Variants in SESN3 observed in about 807,000 individuals in gnomAD.
SESN3 encodes the protein sestrin 3.
In SESN3, 21 loss-of-function variants were observed where a neutral mutation model predicts 55.3. The observed-to-expected ratio is 0.38, with a 90% CI of 0.27 to 0.55. The LOEUF is 0.55. Among genes scored for constraint, SESN3 ranks in the 20% least tolerant of loss-of-function variants. The pLI, the probability that SESN3 is intolerant of heterozygous loss-of-function variation, is 0.76. For synonymous variants in SESN3, 181 were observed against 203.1 expected (o/e 0.89, Z 0.93); for missense variants, 408 against 604.3 (o/e 0.68, Z 3.41).
At position 95,230,717 on chromosome 11, in the gene SESN3, G is replaced by A. The variant is rs530333164; in HGVS notation, c.78+66C>T. 168 of 1,271,688 alleles carry A rather than the reference G, an allele frequency of 1.3e-4. 2 individuals carry two copies. The African/African-American group carries it at 2.1e-3, about 16-fold the overall frequency. The allele number at this position is 1,271,688 out of a possible 1,614,324, so 78.8% of individuals were successfully genotyped here. On this transcript the variant is annotated intron_variant, in intron 1 of 9. Coordinates refer to ENST00000536441, the MANE Select transcript of SESN3 (RefSeq NM_144665.4). This position sits in a 1 kb window ranked among gnomAD's most constrained non-coding sequence, Gnocchi z 4.6. ...CCTCCCCCAGTGCGCGCCCGGGGAC[G>A]AGCCGCCCGAGCCCCGGCCGGCAGG... is the stretch of plus-strand genomic sequence containing the variant.
chr11:95,215,328 T>A (rs970840202), intron 1 of SESN3, among the ~76,000 whole-genome samples: 1 of 152,050 alleles, frequency 6.6e-6, no homozygotes, highest in African/African-American at 2.4e-5. Context: ...AGAACCACAC[T>A]GCAGAACCAT....
intron 1 of SESN3, among the ~76,000 whole-genome samples, chr11:95,213,810 C>T (rs1468607717): frequency 6.6e-6 from 1 of 151,992 alleles, no homozygotes; most frequent in Non-Finnish European, 1.5e-5. Context: ...GGCATGGACC[C>T]AATCCTATAT....
chr11:95,203,424 G>A (rs1432983088), intron 1 of SESN3, among the ~76,000 whole-genome samples: 1 of 152,002 alleles, frequency 6.6e-6, no homozygotes, highest in Non-Finnish European at 1.5e-5. Context: ...AGCCCCCCAG[G>A]ATCACAACTG....
At chr11:95,200,609 C>T (rs1860443789) in intron 1 of SESN3, among the ~76,000 whole-genome samples, 1 of 151,928 alleles carries the variant, frequency 6.6e-6, no homozygotes, top group South Asian at 2.1e-4. Flanking sequence ...CACTGACACT[C>T]CAAAGAGCAC....
intron 1 of SESN3, among the ~76,000 whole-genome samples, chr11:95,207,442 G>A (rs113419835): frequency 2.0e-5 from 3 of 151,512 alleles, no homozygotes; most frequent in African/African-American, 7.3e-5. Context: ...CATTTTTCAA[G>A]GAATTAATTT....
chr11:95,184,699 A>G, intron 5 of SESN3, 105 bp from the exon 6 acceptor site: 3 of 988,488 alleles, frequency 3.0e-6, no homozygotes, highest in Non-Finnish European at 3.0e-6. Flanking sequence ...GAACAGGCAC[A>G]GTTATGAAGT....
intron 8 of SESN3, among the ~76,000 whole-genome samples, chr11:95,176,173 A>G (rs1859952119): frequency 1.3e-5 from 2 of 152,230 alleles, no homozygotes; most frequent in Admixed American, 6.5e-5. Flanking sequence ...GGAAGTAGCT[A>G]TATGGAGGTC....
At chr11:95,200,953 C>A (rs1326639625) in intron 1 of SESN3, 1 of 152,014 alleles carries the variant, frequency 6.6e-6, no homozygotes, top group African/African-American at 2.4e-5. Flanking sequence ...GTAGGGCGGT[C>A]GGTCAGTACC....
At chr11:95,227,741 T>G (rs1267642301) in intron 1 of SESN3, among the ~76,000 whole-genome samples, 1 of 152,220 alleles carries the variant, frequency 6.6e-6, no homozygotes, top group Non-Finnish European at 1.5e-5. Flanking sequence ...TGCCACTTTT[T>G]TATTTACTGG....
intron 9 of SESN3, 115 bp from the exon 10 acceptor site, chr11:95,173,456 C>CACA: frequency 2.0e-6 from 1 of 498,884 alleles, no homozygotes; most frequent in Non-Finnish European, 3.7e-6. Flanking sequence ...CACACACACA[C>CACA]CTAGGCATAT....
chr11:95,228,097 T>C (rs1254222537), intron 1 of SESN3, among the ~76,000 whole-genome samples: 1 of 152,168 alleles, frequency 6.6e-6, no homozygotes, highest in Non-Finnish European at 1.5e-5. Context: ...GTCTCTTTAT[T>C]TTGGAGGATA....
chr11:95,199,374 G>A (rs992646340), intron 1 of SESN3, among the ~76,000 whole-genome samples: 1 of 151,932 alleles, frequency 6.6e-6, no homozygotes. Flanking sequence ...GCTGAAAAAA[G>A]TTACGCTTGA....
At position 95,191,424 on chromosome 11, in the gene SESN3, T is replaced by C; in HGVS notation, c.322A>G (p.Arg108Gly). The change falls in exon 3 of 10, where the codon AGG (arginine) becomes GGG (glycine). Residue 108 changes from arginine (R) to glycine (G), a missense_variant. Physicochemically the swap from Arg to Gly is moderately radical, Grantham distance 125. Around this residue, in one of 4 missense-constraint regions of SESN3, gnomAD observed 107 missense variants for 211.3 expected, o/e 0.51. Coordinates refer to ENST00000536441, the MANE Select transcript of SESN3 (RefSeq NM_144665.4). ...RMDGPLPLPY[R>G]HYIAIMAAAR... ...CCCACCATTATTGCAATATAGTGCC[T>C]GTATGGTAGAGGAAGGGGACCATCC... The C allele has an allele frequency of 6.2e-7, 1 of 1,612,432 alleles. No homozygotes were observed. Among genetic ancestry groups the C allele is most frequent in the Non-Finnish European group, 8.5e-7 (1 of 1,178,748 alleles).
chr11:95,190,588 C>T (rs1490332277), intron 3 of SESN3, among the ~76,000 whole-genome samples: 1 of 151,904 alleles, frequency 6.6e-6, no homozygotes, highest in Non-Finnish European at 1.5e-5. Flanking sequence ...TGCTTTCAGA[C>T]TTAGTGTCAT....
intron 1 of SESN3, among the ~76,000 whole-genome samples, chr11:95,206,389 C>CAT (rs1258582713): frequency 3.3e-5 from 5 of 151,918 alleles, no homozygotes; most frequent in African/African-American, 1.2e-4. Context: ...CACACACACA[C>CAT]ACACACACAC....
rs539542961 is a variant in SESN3 at position 95,207,850 on chromosome 11, T to TGTTTC, written c.79-14329_79-14328insGAAAC. Among the ~76,000 whole-genome samples the TGTTTC allele has an allele frequency of 7.3e-3, 1,107 of 151,488 alleles. 29 individuals are homozygous for TGTTTC. Among genetic ancestry groups the TGTTTC allele is most frequent in the African/African-American group, 0.026 (1,066 of 41,334 alleles). On this transcript the variant is annotated intron_variant, in intron 1 of 9. Transcript: ENST00000536441. ...TTTTTTGTTTTGTTTTGTTTTGTTT[T>TGTTTC]TTTTGTAGAGACTGGGTTTCATCAT...
At chr11:95,174,807 A>AT (rs1859924945) in intron 9 of SESN3, among the ~76,000 whole-genome samples, 1 of 151,896 alleles carries the variant, frequency 6.6e-6, no homozygotes, top group Admixed American at 6.6e-5. Context: ...TTTTTAAAAT[A>AT]TTTTTTTAAT....
chr11:95,202,553 T>C (rs546930569), intron 1 of SESN3, among the ~76,000 whole-genome samples: 25 of 152,230 alleles, frequency 1.6e-4, no homozygotes, highest in African/African-American at 6.0e-4. Context: ...TATTCCATGC[T>C]GTGACACTAA....
At chr11:95,177,434 G>A (rs1205744682) in intron 8 of SESN3, among the ~76,000 whole-genome samples, 1 of 152,010 alleles carries the variant, frequency 6.6e-6, no homozygotes, top group African/African-American at 2.4e-5. Flanking sequence ...TGTTCTTCCA[G>A]GAAGGATTCT....
Sources: allele counts gnomAD v4.1 joint callset (sites outside exome capture counted in the v4.1 genomes callset), GRCh38; gene constraint gnomAD v4.1.1; regional missense constraint gnomAD v4.1.1; non-coding constraint Gnocchi (gnomAD v3.1); transcripts MANE v1.5; gene names NCBI Gene and HGNC (gene_info 2026-07-23, HGNC 2026-07-21).